GLT8D2: variants seen among roughly 807,000 people sequenced by gnomAD.
The protein encoded by GLT8D2 is glycosyltransferase 8 domain-containing protein 2.
GLT8D2 carries 45 observed loss-of-function variants against 44.5 expected under a neutral mutation model. The ratio of observed to expected loss-of-function variants is 1.01; its 90% CI spans 0.80 to 1.30. The LOEUF is 1.30. GLT8D2 is among the 50% of genes most tolerant of loss of function. The pLI is 0.00. For synonymous variants in GLT8D2, 156 were observed against 157.2 expected (o/e 0.99, Z 0.06); for missense variants, 400 against 430.4 (o/e 0.93, Z 0.62).
intron 1 of GLT8D2, among the ~76,000 whole-genome samples, chr12:104,049,240 A>C (rs1593575077): frequency 2.1e-5 from 3 of 145,778 alleles, no homozygotes; most frequent in Non-Finnish European, 1.5e-5. Context: ...TCTTTCTCTC[A>C]CTCTCTCTCA....
At chr12:104,044,648 C>T (rs1880894833) in intron 1 of GLT8D2, among the ~76,000 whole-genome samples, 1 of 152,222 alleles carries the variant, frequency 6.6e-6, no homozygotes, top group Admixed American at 6.5e-5. Flanking sequence ...TCTGCAATAA[C>T]CTCCCACCTG....
intron 2 of GLT8D2, among the ~76,000 whole-genome samples, chr12:104,020,465 T>C (rs899071578): frequency 6.6e-6 from 1 of 152,194 alleles, no homozygotes; most frequent in East Asian, 1.9e-4. Flanking sequence ...ATTGAGATCC[T>C]ACTAAAAGCC....
At chr12:104,007,893 G>A (rs577890729) in intron 4 of GLT8D2, among the ~76,000 whole-genome samples, 3 of 152,168 alleles carry the variant, frequency 2.0e-5, no homozygotes, top group African/African-American at 7.2e-5. Context: ...TTTATCAGGG[G>A]TTTCTGCTTT....
chr12:103,999,762 C>A lies in GLT8D2; in HGVS notation c.285-248G>T, dbSNP rs569323370. 2.0e-5 allele frequency among the ~76,000 whole-genome samples: 3 copies of A among 152,290 alleles called. No individual in the cohort carries two copies. In the South Asian group the frequency reaches 6.2e-4, roughly 32 times the overall value. ...TGAAGCAAAATAGTAATAACCAAAT[C>A]TCTCCCCAGATCCAAATAATTTCCC... On this transcript the variant is annotated intron_variant, in intron 5 of 10. Coordinates refer to ENST00000360814, the MANE Select transcript of GLT8D2 (RefSeq NM_001384711.1).
intron 1 of GLT8D2, among the ~76,000 whole-genome samples, chr12:104,057,269 C>T (rs1037847183): frequency 1.3e-5 from 2 of 152,174 alleles, no homozygotes; most frequent in Non-Finnish European, 2.9e-5. Flanking sequence ...TGGTGGCTCA[C>T]ACCTGTAATC....
intron 1 of GLT8D2, among the ~76,000 whole-genome samples, chr12:104,039,039 T>G (rs1234816122): frequency 6.6e-6 from 1 of 151,980 alleles, no homozygotes; most frequent in African/African-American, 2.4e-5. Context: ...AAACAAGAAA[T>G]AGGGAAAGGA....
At chr12:104,000,481 A>G (rs1364060375) in intron 5 of GLT8D2, among the ~76,000 whole-genome samples, 1 of 152,220 alleles carries the variant, frequency 6.6e-6, no homozygotes, top group East Asian at 1.9e-4. Flanking sequence ...GTGATGATCC[A>G]GTAAACTGCA....
rs1232659471 is a variant in GLT8D2 at position 103,992,491 on chromosome 12, C to CTTTT, written c.880+897_880+900dup. Among the ~76,000 whole-genome samples the CTTTT allele has an allele frequency of 1.0e-4, 13 of 129,982 alleles. 1 individual carries two copies. The highest frequency in any genetic ancestry group is 1.2e-4 in the Non-Finnish European group (7 of 60,730). 85.3% of individuals were successfully genotyped at this position (129,982 alleles called of 152,430 possible). On this transcript the variant is annotated intron_variant, in intron 10 of 10. Transcript: ENST00000360814. Reference sequence around the variant, plus strand: ...GTGAAAGTTCTCTCTCTCTCTCTCTCTTTTTTTTTTTTTTTTTTGAGATAG... The same window carrying CTTTT: ...GTGAAAGTTCTCTCTCTCTCTCTCTCTTTTTTTTTTTTTTTTTTTTTTGAGATAG...
At chr12:104,006,619 A>G (rs1875046811) in intron 4 of GLT8D2, among the ~76,000 whole-genome samples, 1 of 152,130 alleles carries the variant, frequency 6.6e-6, no homozygotes, top group Admixed American at 6.6e-5. Context: ...TAATCCCAGA[A>G]TCCACCCCTG....
At chr12:104,032,511 G>T in intron 1 of GLT8D2, among the ~76,000 whole-genome samples, 1 of 102,246 alleles carries the variant, frequency 9.8e-6, no homozygotes, top group Non-Finnish European at 2.1e-5. Context: ...GACCAGAATA[G>T]ACATTTCTCT....
Position 104,061,137 on chromosome 12 carries a change from T to C in GLT8D2, c.-423+2812A>G, listed in dbSNP as rs76629718. Among the ~76,000 whole-genome samples, 1,341 of 152,226 alleles carry C rather than the reference T, an allele frequency of 8.8e-3. 24 individuals are homozygous for C. The highest frequency in any genetic ancestry group is 0.03 in the African/African-American group (1,257 of 41,534). On this transcript the variant is annotated intron_variant, in intron 1 of 10. Transcript: ENST00000548660. ...GACACTTTGATTTCAGACTTATATA[T>C]CCTTCAGAACTGTGAAACAAAACAT...
chr12:104,001,686 ATTTATTTATTT>A (rs1405600824), intron 5 of GLT8D2, among the ~76,000 whole-genome samples: 3 of 151,962 alleles, frequency 2.0e-5, no homozygotes, highest in Non-Finnish European at 4.4e-5. Context: ...GAAAAACTTT[ATTTATTTATTT>A]TTTATTTATT....
intron 1 of GLT8D2, among the ~76,000 whole-genome samples, chr12:104,028,875 A>C (rs777724032): frequency 6.6e-6 from 1 of 152,196 alleles, no homozygotes; most frequent in Non-Finnish European, 1.5e-5. Context: ...GGTCAAATCC[A>C]AATCATGGAT....
At chr12:104,061,977 CAA>C (rs34704257) in intron 1 of GLT8D2, among the ~76,000 whole-genome samples, 8,704 of 91,156 alleles carry the variant, frequency 0.095, 555 homozygotes, top group East Asian at 0.42. Context: ...AACTCCATCT[CAA>C]AAAAAAAAAA....
chr12:104,056,844 G>A (rs1882219681), intron 1 of GLT8D2, among the ~76,000 whole-genome samples: 1 of 152,216 alleles, frequency 6.6e-6, no homozygotes, highest in African/African-American at 2.4e-5. Flanking sequence ...ACTGGTCACT[G>A]GACATCTGTT....
chr12:104,063,410 G>T (rs1198789065), intron 1 of GLT8D2, among the ~76,000 whole-genome samples: 2 of 152,304 alleles, frequency 1.3e-5, no homozygotes, highest in East Asian at 1.9e-4. Context: ...GCTGGGTGCG[G>T]TGGCTCATGC....
At chr12:104,042,452 G>A (rs974901317) in intron 1 of GLT8D2, among the ~76,000 whole-genome samples, 10 of 152,192 alleles carry the variant, frequency 6.6e-5, no homozygotes, top group African/African-American at 1.9e-4. Flanking sequence ...TTAAGCTGCC[G>A]TAAATCAGTG....
upstream of GLT8D2, among the ~76,000 whole-genome samples, chr12:104,050,695 T>C (rs1053816346): frequency 3.3e-5 from 5 of 152,206 alleles, no homozygotes; most frequent in African/African-American, 1.2e-4. Context: ...GATCACAGAA[T>C]TTATTTCTGC....
intron 6 of GLT8D2, among the ~76,000 whole-genome samples, chr12:103,998,320 G>C (rs1317410341): frequency 1.3e-5 from 2 of 149,406 alleles, no homozygotes; most frequent in Non-Finnish European, 1.5e-5. Flanking sequence ...CTACAGCCTC[G>C]AACTCCCAGA....
Sources: gnomAD v4.1 joint callset for allele counts (sites outside exome capture counted in the v4.1 genomes callset) on GRCh38, gnomAD v4.1.1 for gene constraint, MANE v1.5 for transcripts, NCBI Gene and HGNC (gene_info 2026-07-23, HGNC 2026-07-21) for gene names.